The following LAMA2 variants were observed in gnomAD, a reference collection of about 807,000 sequenced individuals.
LAMA2 encodes the protein laminin subunit alpha 2.
Under a neutral mutation model 364.8 loss-of-function variants are expected in LAMA2, and 269 were observed. The ratio of observed to expected loss-of-function variants is 0.74; its 90% CI spans 0.67 to 0.82. The LOEUF (loss-of-function observed/expected upper bound fraction) is 0.82. Among genes scored for constraint, LAMA2 ranks in the 40% least tolerant of loss-of-function variants. The probability of loss-of-function intolerance (pLI) is 0.00; values close to 1 mark genes in which losing one functional copy is unlikely to be tolerated. For missense variants in LAMA2, 3,807 were observed against 3,873.2 expected (o/e 0.98, Z 0.45); for synonymous variants, 1,379 against 1,370.6 (o/e 1.01, Z -0.14).
chr6:129,200,246 A>G lies in LAMA2; in HGVS notation c.1782+7393A>G, dbSNP rs867231828. On this transcript the variant is annotated intron_variant, in intron 12 of 64. Transcript: ENST00000421865. ...TATACGTGTACACATATACATGTGT[A>G]TATATATACGTGTACACATATACAT... 2.3e-3 allele frequency among the ~76,000 whole-genome samples: 276 copies of G among 118,398 alleles called. 9 individuals carry two copies. Among genetic ancestry groups the G allele is most frequent in the African/African-American group, 0.011 (258 of 23,214 alleles). The allele number at this position is 118,398 out of a possible 152,430, so 77.7% of individuals were successfully genotyped here.
chr6:129,419,338 C>T (rs1234017156), intron 40 of LAMA2, among the ~76,000 whole-genome samples: 1 of 152,062 alleles, frequency 6.6e-6, no homozygotes, highest in African/African-American at 2.4e-5. Context: ...GTAGAATAAT[C>T]AAGAGGTGAG....
intron 10 of LAMA2, among the ~76,000 whole-genome samples, chr6:129,186,130 T>G (rs1781214594): frequency 6.6e-6 from 1 of 151,754 alleles, no homozygotes; most frequent in Non-Finnish European, 1.5e-5. Context: ...CTCCATTTTG[T>G]TTAGATTAAC....
chr6:128,914,520 A>G (rs963502061), intron 1 of LAMA2, among the ~76,000 whole-genome samples: 3 of 152,184 alleles, frequency 2.0e-5, no homozygotes, highest in Non-Finnish European at 4.4e-5. Flanking sequence ...CGGGCCCAGT[A>G]CATCCTAGTC....
At chr6:129,216,593 A>G (rs192459943) in intron 12 of LAMA2, among the ~76,000 whole-genome samples, 7 of 152,332 alleles carry the variant, frequency 4.6e-5, no homozygotes, top group Admixed American at 3.9e-4. Flanking sequence ...AATGCTAGTC[A>G]ATGTTGAATC....
intron 12 of LAMA2, among the ~76,000 whole-genome samples, chr6:129,231,317 G>A (rs990286238): frequency 2.0e-5 from 3 of 151,958 alleles, no homozygotes; most frequent in Non-Finnish European, 2.9e-5. Context: ...TTAAATAGTT[G>A]CCTTATTTCT....
intron 1 of LAMA2, among the ~76,000 whole-genome samples, chr6:129,038,883 A>G (rs1401725335): frequency 1.3e-5 from 2 of 152,250 alleles, no homozygotes; most frequent in Non-Finnish European, 2.9e-5. Flanking sequence ...CACATTTTTC[A>G]TATAGGTTGG....
intron 12 of LAMA2, among the ~76,000 whole-genome samples, chr6:129,200,345 T>TATATATATAC (rs1562324560): frequency 2.4e-5 from 3 of 124,430 alleles, no homozygotes. Flanking sequence ...TACACGTATA[T>TATATATATAC]GTGTACACAT....
At chr6:129,311,016 G>C (rs796645897) in intron 22 of LAMA2, among the ~76,000 whole-genome samples, 12 of 152,268 alleles carry the variant, frequency 7.9e-5, no homozygotes, top group African/African-American at 2.9e-4. Context: ...AAGCTAGTCA[G>C]AAGGGTGCCT....
rs71543146 is a variant in LAMA2 at position 128,883,801 on chromosome 6, TACACACACACAC to T, written c.112+468_112+479del. Among the ~76,000 whole-genome samples the T allele has an allele frequency of 1.2e-4, 16 of 136,028 alleles. No individual in the cohort carries two copies. In the East Asian group the frequency reaches 2.5e-3, roughly 21 times the overall value. 89.2% of individuals were successfully genotyped at this position (136,028 alleles called of 152,430 possible). A position where few individuals can be genotyped will look rare whatever the true frequency, so the allele number is the denominator to read the frequency against. On this transcript the variant is annotated intron_variant, in intron 1 of 64. Coordinates refer to ENST00000421865, the MANE Select transcript of LAMA2 (RefSeq NM_000426.4). ...CAAAAAAAAATTATATATATATATA[TACACACACACAC>T]ACACACACACACACACACACACATA...
rs758134778 is a variant in LAMA2, at chr6:129,315,888, G to A, written c.3862G>A (p.Val1288Ile). 7.6e-5 allele frequency: 122 copies of A among 1,613,880 alleles called. 2 individuals carry two copies. The highest frequency in any genetic ancestry group is 3.8e-4 in the Admixed American group (23 of 59,992). Residue 1288 changes from valine (V) to isoleucine (I), a missense_variant, in exon 26 of 65, where the codon GTC (valine) becomes ATC (isoleucine). Coordinates refer to ENST00000421865, the MANE Select transcript of LAMA2 (RefSeq NM_000426.4). ...GACACCTACTCATGCTAGAATTATC[G>A]TCAGGCATATGGCTGCTCCTCTGAT... ...GGTPTHARII[V>I]RHMAAPLIGQ...
At chr6:128,976,738 T>C (rs932394363) in intron 1 of LAMA2, among the ~76,000 whole-genome samples, 1 of 152,186 alleles carries the variant, frequency 6.6e-6, no homozygotes, top group Non-Finnish European at 1.5e-5. Context: ...ATCATAAATA[T>C]CATACGAATC....
chr6:129,320,705 A>G (rs1774913088), intron 28 of LAMA2, 50 bp downstream of exon 28: 4 of 954,096 alleles, frequency 4.2e-6, no homozygotes. Context: ...TTCAGGAGCT[A>G]AATGGAAATA....
intron 1 of LAMA2, chr6:128,929,082 T>A (rs1582701071): frequency 6.9e-7 from 1 of 1,458,800 alleles, no homozygotes; most frequent in East Asian, 2.3e-5. Context: ...TCATCCAGAA[T>A]CCACACTGTG....
At chr6:129,462,203 A>G (rs938702440) in intron 49 of LAMA2, among the ~76,000 whole-genome samples, 2 of 152,056 alleles carry the variant, frequency 1.3e-5, no homozygotes, top group Non-Finnish European at 2.9e-5. Context: ...TGATTCGGGT[A>G]AGATGCAGTG....
At chr6:128,969,133 A>T (rs1052929600) in intron 1 of LAMA2, among the ~76,000 whole-genome samples, 1 of 152,166 alleles carries the variant, frequency 6.6e-6, no homozygotes, top group Non-Finnish European at 1.5e-5. Context: ...TAACACTATC[A>T]ATTCTGGCTA....
chr6:129,111,680 G>A (rs968785009), intron 4 of LAMA2, among the ~76,000 whole-genome samples: 1 of 151,898 alleles, frequency 6.6e-6, no homozygotes, highest in African/African-American at 2.4e-5. Flanking sequence ...AAGTATCAAT[G>A]GGAAATCAGG....
chr6:129,315,848 G>T lies in LAMA2; in HGVS notation c.3822G>T (p.Val1274=). Reference sequence around the variant, plus strand: ...GTTTCTCTACATATAATCCTCAAGTGATCATTCGAGGTGGGACACCTACTC... The same window carrying T: ...GTTTCTCTACATATAATCCTCAAGTTATCATTCGAGGTGGGACACCTACTC... ...ETGFSTYNPQ[V]IIRGGTPTHA... The change falls in exon 26 of 65, where the codon GTG becomes GTT. Residue 1274 remains valine (V), a synonymous_variant. Transcript: ENST00000421865. The T allele has an allele frequency of 6.2e-7, 1 of 1,614,072 alleles. No homozygotes were observed.
intron 55 of LAMA2, among the ~76,000 whole-genome samples, chr6:129,484,063 A>G (rs532866197): frequency 7.9e-5 from 12 of 152,330 alleles, no homozygotes; most frequent in Middle Eastern, 3.4e-3. Flanking sequence ...GGAAAAGAAC[A>G]CTTGATTGAA....
chr6:129,274,246 T>TA (rs909119717), intron 17 of LAMA2, among the ~76,000 whole-genome samples: 124 of 149,796 alleles, frequency 8.3e-4, no homozygotes, highest in Non-Finnish European at 1.2e-3. Flanking sequence ...CTGAAATGTT[T>TA]AAAAAAAAAA....
Sources: gnomAD v4.1 joint callset for allele counts (sites outside exome capture counted in the v4.1 genomes callset) on GRCh38, gnomAD v4.1.1 for gene constraint, MANE v1.5 for transcripts, NCBI Gene and HGNC (gene_info 2026-07-23, HGNC 2026-07-21) for gene names.